The following PKP4 variants were observed in gnomAD, a reference collection of about 807,000 sequenced individuals.
PKP4 encodes the protein plakophilin 4.
In PKP4, 90 loss-of-function variants were observed where a neutral mutation model predicts 145.1. The ratio of observed to expected loss-of-function variants is 0.62; its 90% CI spans 0.52 to 0.74. The LOEUF (loss-of-function observed/expected upper bound fraction) is 0.74, where lower values mean the gene tolerates loss of function less well. Ranked by LOEUF, PKP4 falls within the 30% of genes least tolerant of loss-of-function variation. The probability of loss-of-function intolerance (pLI) is 0.00; values close to 1 mark genes in which losing one functional copy is unlikely to be tolerated. For missense variants in PKP4, 1,340 were observed against 1,482.7 expected (o/e 0.90, Z 1.58); for synonymous variants, 563 against 577.2 (o/e 0.98, Z 0.35).
At chr2:158,479,174 C>T (rs1194311063) in intron 1 of PKP4, among the ~76,000 whole-genome samples, 1 of 152,040 alleles carries the variant, frequency 6.6e-6, no homozygotes, top group Non-Finnish European at 1.5e-5. Flanking sequence ...AGATATTAAA[C>T]ATTAGCTAAC....
intron 3 of PKP4, among the ~76,000 whole-genome samples, chr2:158,602,734 A>G (rs1041866410): frequency 6.6e-6 from 1 of 152,212 alleles, no homozygotes; most frequent in African/African-American, 2.4e-5. Flanking sequence ...TCTTTTTCAT[A>G]TATATGATAC....
chr2:158,625,494 A>G lies in PKP4; in HGVS notation c.1153+67A>G, dbSNP rs937079382. ...AATCTTCTGTGTAACTTAAGTTGAA[A>G]CAAAGAATGAAAAGGTGGAAAAGGC... On this transcript the variant is annotated intron_variant, in intron 7 of 21. Coordinates refer to ENST00000389759, the MANE Select transcript of PKP4 (RefSeq NM_003628.6). 13 of 1,312,838 alleles carry G rather than the reference A, an allele frequency of 9.9e-6. No individual in the cohort carries two copies. In the African/African-American group the frequency reaches 1.5e-4, roughly 15 times the overall value. The allele number at this position is 1,312,838 out of a possible 1,614,324, so 81.3% of individuals were successfully genotyped here. A position where few individuals can be genotyped will look rare whatever the true frequency, so the allele number is the denominator to read the frequency against.
intron 1 of PKP4, chr2:158,458,334 C>T (rs1479197589): frequency 1.3e-5 from 2 of 152,490 alleles, no homozygotes; most frequent in Non-Finnish European, 1.5e-5. Context: ...TCCTCTCCTC[C>T]CATAGCTTCC....
In PKP4 at chr2:158,625,395, G is replaced by T. The variant is rs778522720; in HGVS notation, c.1121G>T (p.Arg374Met). 59 of 1,613,704 alleles carry T rather than the reference G, an allele frequency of 3.7e-5. No homozygotes were observed. The South Asian group carries it at 4.7e-4, about 13-fold the overall frequency. Residue 374 changes from arginine to methionine, a missense_variant, in exon 7 of 22, where the codon AGG becomes ATG. Transcript: ENST00000389759. ...CAGCAGCAGTATGACATTTATGAGA[G>T]GATGGTTCCACCCAGGCCAGACAGC... ...FGQQQYDIYERMVPPRPDSLT... is the reference protein window; with the variant it reads ...FGQQQYDIYEMMVPPRPDSLT...
At chr2:158,558,005 C>T (rs1232212608) in intron 2 of PKP4, among the ~76,000 whole-genome samples, 2 of 152,134 alleles carry the variant, frequency 1.3e-5, no homozygotes, top group Non-Finnish European at 2.9e-5. Flanking sequence ...ATATGAGATC[C>T]ACAACCACAT....
intron 7 of PKP4, among the ~76,000 whole-genome samples, chr2:158,627,018 T>G (rs560811047): frequency 6.6e-6 from 1 of 152,298 alleles, no homozygotes; most frequent in Admixed American, 6.5e-5. Context: ...AATTTAAGCC[T>G]TTTTGAGATT....
rs184704945 is a variant in PKP4 at position 158,476,992 on chromosome 2, C to T, written c.-6+19774C>T. On this transcript the variant is annotated intron_variant, in intron 1 of 21. Transcript: ENST00000389759. Reference sequence around the variant, plus strand: ...TAAAACATTTACAAAGAATTATATTCTTTGTTCTGTGAACACCTGTATAAT... The same window carrying T: ...TAAAACATTTACAAAGAATTATATTTTTTGTTCTGTGAACACCTGTATAAT... Among the ~76,000 whole-genome samples the T allele has an allele frequency of 1.9e-3, 296 of 152,206 alleles. 1 individual carries two copies. The highest frequency in any genetic ancestry group is 3.1e-3 in the Non-Finnish European group (212 of 67,994).
At chr2:158,543,854 A>G (rs1481864010) in intron 2 of PKP4, among the ~76,000 whole-genome samples, 2 of 152,152 alleles carry the variant, frequency 1.3e-5, no homozygotes, top group African/African-American at 4.8e-5. Flanking sequence ...AAAGCAAGGT[A>G]GAATTTTGTT....
At chr2:158,673,343 G>A (rs2057729017) in intron 17 of PKP4, among the ~76,000 whole-genome samples, 1 of 152,208 alleles carries the variant, frequency 6.6e-6, no homozygotes, top group Non-Finnish European at 1.5e-5. Flanking sequence ...GAATCCCAAA[G>A]CCCCAGTGAG....
At chr2:158,532,192 G>C (rs1481529859) in intron 1 of PKP4, among the ~76,000 whole-genome samples, 1 of 152,222 alleles carries the variant, frequency 6.6e-6, no homozygotes, top group Non-Finnish European at 1.5e-5. Flanking sequence ...AGAGTAGTTT[G>C]CAAGAGAAAA....
intron 1 of PKP4, chr2:158,457,468 C>T (rs928453831): frequency 1.3e-5 from 2 of 152,592 alleles, no homozygotes; most frequent in African/African-American, 2.4e-5. Context: ...CTTTTCCCGG[C>T]GATTCCTCTC....
chr2:158,621,437 C>G lies in PKP4; in HGVS notation c.603+16C>G. On this transcript the variant is annotated intron_variant, in intron 6 of 21. Transcript: ENST00000389759. Reference sequence around the variant, plus strand: ...ACTGGTTCAGGTAAGCCAAACGCATCAAGATCTCTGCAAAGAAATACCTTC... The same window carrying G: ...ACTGGTTCAGGTAAGCCAAACGCATGAAGATCTCTGCAAAGAAATACCTTC... 2 of 1,607,832 alleles carry G rather than the reference C, an allele frequency of 1.2e-6. No individual in the cohort carries two copies. Among genetic ancestry groups the G allele is most frequent in the Non-Finnish European group, 1.7e-6 (2 of 1,174,550 alleles).
chr2:158,646,701 G>A (rs2054860080), intron 11 of PKP4, among the ~76,000 whole-genome samples: 1 of 152,082 alleles, frequency 6.6e-6, no homozygotes. Flanking sequence ...CACATCAAAT[G>A]CTCAAGCCGT....
At chr2:158,463,182 G>A (rs1044322009) in intron 1 of PKP4, among the ~76,000 whole-genome samples, 4 of 152,116 alleles carry the variant, frequency 2.6e-5, no homozygotes, top group Admixed American at 6.6e-5. Context: ...AGCTTCTTGC[G>A]GTAGGCAATA....
intron 3 of PKP4, among the ~76,000 whole-genome samples, chr2:158,602,445 G>A (rs2050305562): frequency 6.6e-6 from 1 of 152,150 alleles, no homozygotes. Context: ...GTAACACCAT[G>A]GTTTCCTGTA....
At chr2:158,519,541 C>G (rs1192569662) in intron 1 of PKP4, among the ~76,000 whole-genome samples, 1 of 152,158 alleles carries the variant, frequency 6.6e-6, no homozygotes, top group African/African-American at 2.4e-5. Flanking sequence ...AGCCTCAAGT[C>G]TGGGATATAC....
chr2:158,591,262 A>G (rs1574660962), intron 3 of PKP4, among the ~76,000 whole-genome samples: 1 of 152,076 alleles, frequency 6.6e-6, no homozygotes, highest in East Asian at 1.9e-4. Flanking sequence ...GAAACAGGGA[A>G]TATGAATACT....
chr2:158,545,073 C>CTTTTTTTTTT lies in PKP4; in HGVS notation c.132+11774_132+11783dup, dbSNP rs386391605. Among the ~76,000 whole-genome samples, 7 of 72,510 alleles carry CTTTTTTTTTT rather than the reference C, an allele frequency of 9.7e-5. 1 individual carries two copies. The highest frequency in any genetic ancestry group is 1.7e-4 in the African/African-American group (3 of 17,636). The allele number at this position is 72,510 out of a possible 152,430, so 47.6% of individuals were successfully genotyped here. On this transcript the variant is annotated intron_variant, in intron 2 of 21. Transcript: ENST00000389759. ...GAGCAGGCCTAACCTAAGTCTTTCACTTTTTTTTTTTTTTTTTTTTTTTTT... is the reference window on the plus strand; with the variant it reads ...GAGCAGGCCTAACCTAAGTCTTTCACTTTTTTTTTTTTTTTTTTTTTTTTTTTTTTTTTTT...
In PKP4 at chr2:158,536,207, T is replaced by C. The variant is rs184898066; in HGVS notation, c.132+2891T>C. Among the ~76,000 whole-genome samples the C allele has an allele frequency of 2.3e-3, 354 of 152,264 alleles. 2 individuals carry two copies. Among genetic ancestry groups the C allele is most frequent in the African/African-American group, 8.3e-3 (344 of 41,556 alleles). On this transcript the variant is annotated intron_variant, in intron 2 of 21. Transcript: ENST00000389759. ...AGCACTGTTTATGCTGTGACAGTAG[T>C]TTACTTATGCAGACACTAAACTTTA...
Sources: gnomAD v4.1 joint callset for allele counts (sites outside exome capture counted in the v4.1 genomes callset) on GRCh38, gnomAD v4.1.1 for gene constraint, MANE v1.5 for transcripts, NCBI Gene and HGNC (gene_info 2026-07-23, HGNC 2026-07-21) for gene names.